SEC14L5: variants seen among roughly 807,000 people sequenced by gnomAD.
SEC14L5 encodes the protein SEC14-like protein 5.
In SEC14L5, 96 loss-of-function variants were observed where a neutral mutation model predicts 84.6. The observed-to-expected ratio is 1.13, with a 90% confidence interval of 0.96 to 1.34. SEC14L5 has a LOEUF of 1.34. Ranked by LOEUF, SEC14L5 falls within the 40% of genes most tolerant of loss-of-function variation. The probability of loss-of-function intolerance (pLI) is 0.00; values close to 1 mark genes in which losing one functional copy is unlikely to be tolerated. For missense variants in SEC14L5, 1,224 were observed against 942.5 expected (o/e 1.30, Z -3.91); for synonymous variants, 546 against 383.4 (o/e 1.42, Z -4.95).
At position 4,987,208 on chromosome 16, in the gene SEC14L5, T is replaced by TG. The variant is rs200920004; in HGVS notation, c.64-349_64-348insG. ...ATTCCTAGTTTATTGAATCTTTTTTTTTTTTTTTATCATGAAGGGGTGTTG... is the reference window on the plus strand; with the variant it reads ...ATTCCTAGTTTATTGAATCTTTTTTTGTTTTTTTTATCATGAAGGGGTGTTG... On this transcript the variant is annotated intron_variant, in intron 2 of 15. Transcript: ENST00000251170. 9.3e-3 allele frequency among the ~76,000 whole-genome samples: 1,411 copies of TG among 151,730 alleles called. 20 individuals carry two copies. Among genetic ancestry groups the TG allele is most frequent in the African/African-American group, 0.032 (1,335 of 41,374 alleles).
At chr16:4,963,056 T>G (rs1269487294) in intron 2 of SEC14L5, among the ~76,000 whole-genome samples, 1 of 152,210 alleles carries the variant, frequency 6.6e-6, no homozygotes, top group East Asian at 1.9e-4. Flanking sequence ...CCAGAAAAGC[T>G]GGCCTTTCAG....
rs556747528 is a variant in SEC14L5 at position 5,002,719 on chromosome 16, T to C, written c.1131-683T>C. Reference sequence around the variant, plus strand: ...ACCAGCCGCTGCAGTCAAACAGTTATTTTCCTAATGAATGAATACTAATGA... The same window carrying C: ...ACCAGCCGCTGCAGTCAAACAGTTACTTTCCTAATGAATGAATACTAATGA... On this transcript the variant is annotated intron_variant, in intron 10 of 15. Coordinates refer to ENST00000251170, the MANE Select transcript of SEC14L5 (RefSeq NM_014692.2). Among the ~76,000 whole-genome samples, 4 of 152,268 alleles carry C rather than the reference T, an allele frequency of 2.6e-5. No individual in the cohort carries two copies. The South Asian group carries it at 8.3e-4, about 32-fold the overall frequency.
rs1003806360 is a variant in SEC14L5 at position 4,987,831 on chromosome 16, A to G, written c.213+125A>G. On this transcript the variant is annotated intron_variant, in intron 3 of 15. Coordinates refer to ENST00000251170, the MANE Select transcript of SEC14L5 (RefSeq NM_014692.2). ...AGGTGGAGCAGGGGCGTGTGAGTTG[A>G]TATTTGGATGGAGGTTCCAGGATGA... The G allele has an allele frequency of 7.8e-5, 58 of 739,844 alleles. No homozygotes were observed. The South Asian group carries it at 1.1e-3, about 14-fold the overall frequency. 45.8% of individuals were successfully genotyped at this position (739,844 alleles called of 1,614,324 possible).
intron 8 of SEC14L5, among the ~76,000 whole-genome samples, chr16:4,998,298 C>T (rs1031791834): frequency 1.3e-5 from 2 of 151,464 alleles, no homozygotes; most frequent in African/African-American, 2.4e-5. Flanking sequence ...TGAGCCACTG[C>T]ACCCAGGCAT....
chr16:4,984,215 G>A (rs1302336947), intron 2 of SEC14L5, among the ~76,000 whole-genome samples: 2 of 151,994 alleles, frequency 1.3e-5, no homozygotes, highest in African/African-American at 4.8e-5. Context: ...CTGGTCCCTG[G>A]CAACCACTAA....
Position 5,007,394 on chromosome 16 carries a change from A to G in SEC14L5, c.1480A>G (p.Met494Val), listed in dbSNP as rs780755533. The change falls in exon 13 of 16, where the codon ATG becomes GTG. Residue 494 changes from methionine to valine, a missense_variant. Coordinates refer to ENST00000251170, the MANE Select transcript of SEC14L5 (RefSeq NM_014692.2). ...AGGGCTGGTCCCCAAGTCCCTCTAC[A>G]TGACAGAAGAGGAGCAGGAGCACAC... ...EGGLVPKSLY[M>V]TEEEQEHTDQ... The G allele has an allele frequency of 1.5e-5, 25 of 1,613,330 alleles. No individual in the cohort carries two copies. The highest frequency in any genetic ancestry group is 6.7e-5 in the Admixed American group (4 of 59,988).
intron 6 of SEC14L5, among the ~76,000 whole-genome samples, chr16:4,995,624 C>CT (rs36027978): frequency 0.15 from 19,872 of 128,554 alleles, 2,014 homozygotes; most frequent in Non-Finnish European, 0.19. Context: ...CTCTCTCTCT[C>CT]TTTTTTTTTT....
At chr16:4,983,114 T>A (rs146208881) in intron 2 of SEC14L5, among the ~76,000 whole-genome samples, 114 of 152,242 alleles carry the variant, frequency 7.5e-4, no homozygotes, top group Non-Finnish European at 1.4e-3. Flanking sequence ...GCGATTCTCC[T>A]GCCTCAGCCT....
At chr16:5,006,342 A>G (rs1287402664) in intron 12 of SEC14L5, among the ~76,000 whole-genome samples, 2 of 152,222 alleles carry the variant, frequency 1.3e-5, no homozygotes, top group Non-Finnish European at 1.5e-5. Flanking sequence ...AGGCTTACGC[A>G]TTCTATATTC....
chr16:5,003,149 T>A (rs1955694607), intron 10 of SEC14L5, among the ~76,000 whole-genome samples: 1 of 152,236 alleles, frequency 6.6e-6, no homozygotes, highest in South Asian at 2.1e-4. Context: ...CCTTTGCCAC[T>A]GTCCTATGAG....
At chr16:4,963,432 G>A (rs191060662) in intron 2 of SEC14L5, among the ~76,000 whole-genome samples, 28 of 151,960 alleles carry the variant, frequency 1.8e-4, no homozygotes, top group African/African-American at 5.8e-4. Context: ...TGCAACCTCC[G>A]CCTTCTGGGT....
Position 4,995,624 on chromosome 16 carries a change from C to CTTT in SEC14L5, c.668-706_668-704dup, listed in dbSNP as rs36027978. ...TCAGTTTTATCTTCTCTCTCTCTCT[C>CTTT]TTTTTTTTTTTTTTTTTTTTAAGAC... On this transcript the variant is annotated intron_variant, in intron 6 of 15. Transcript: ENST00000251170. Among the ~76,000 whole-genome samples, 660 of 128,524 alleles carry CTTT rather than the reference C, an allele frequency of 5.1e-3. 10 individuals are homozygous for CTTT. Among genetic ancestry groups the CTTT allele is most frequent in the African/African-American group, 0.018 (592 of 33,696 alleles). 84.3% of individuals were successfully genotyped at this position (128,524 alleles called of 152,430 possible). A position where few individuals can be genotyped will look rare whatever the true frequency, so the allele number is the denominator to read the frequency against.
intron 2 of SEC14L5, among the ~76,000 whole-genome samples, chr16:4,962,428 C>T (rs1204960274): frequency 6.6e-6 from 1 of 152,060 alleles, no homozygotes; most frequent in Non-Finnish European, 1.5e-5. Flanking sequence ...TGGATCATGC[C>T]TGTAATCCCA....
chr16:5,008,525 G>A lies in SEC14L5; in HGVS notation c.1677G>A (p.Arg559=). 3 of 1,608,984 alleles carry A rather than the reference G, an allele frequency of 1.9e-6. No individual in the cohort carries two copies. Among genetic ancestry groups the A allele is most frequent in the African/African-American group, 1.3e-5 (1 of 74,608 alleles). ...FSLYHTKQAP[R]LGAREPGTRA... ...TGTACCACACCAAGCAGGCGCCCAG[G>A]CTGGGCGCCCGGGAACCGGGGACCA... Residue 559 remains arginine (R), a synonymous_variant, in exon 14 of 16, where the codon AGG becomes AGA. Coordinates refer to ENST00000251170, the MANE Select transcript of SEC14L5 (RefSeq NM_014692.2).
At chr16:4,984,429 C>G (rs1450635810) in intron 2 of SEC14L5, among the ~76,000 whole-genome samples, 1 of 152,170 alleles carries the variant, frequency 6.6e-6, no homozygotes, top group African/African-American at 2.4e-5. Context: ...CTGATTTATT[C>G]CCTCATCCGT....
At chr16:4,983,551 C>CAT (rs1339146700) in intron 2 of SEC14L5, among the ~76,000 whole-genome samples, 1 of 149,794 alleles carries the variant, frequency 6.7e-6, no homozygotes, top group Non-Finnish European at 1.5e-5. Flanking sequence ...AACATATATT[C>CAT]ATATATATTT....
At chr16:5,008,307 G>T in intron 13 of SEC14L5, 114 bp from the exon 14 acceptor site, 1 of 722,218 alleles carries the variant, frequency 1.4e-6, no homozygotes, top group Non-Finnish European at 2.4e-6. Flanking sequence ...GAATGAGCGT[G>T]TGCCTGGGAA....
At chr16:4,988,412 G>T in intron 4 of SEC14L5, 132 bp downstream of exon 4, 1 of 1,094,348 alleles carries the variant, frequency 9.1e-7, no homozygotes, top group East Asian at 2.6e-5. Context: ...TGTCAAGAAA[G>T]ATGCAGGATG....
At chr16:4,983,719 A>G (rs1955454105) in intron 2 of SEC14L5, among the ~76,000 whole-genome samples, 2 of 151,876 alleles carry the variant, frequency 1.3e-5, no homozygotes, top group Admixed American at 6.6e-5. Context: ...TCTACTAGAA[A>G]TACAAAAATT....
Sources: gnomAD v4.1 joint callset for allele counts (sites outside exome capture counted in the v4.1 genomes callset) on GRCh38, gnomAD v4.1.1 for gene constraint, MANE v1.5 for transcripts, NCBI Gene and HGNC (gene_info 2026-07-23, HGNC 2026-07-21) for gene names.